The following SLC9A7 variants were observed in gnomAD, a reference collection of about 807,000 sequenced individuals.
The protein encoded by SLC9A7 is solute carrier family 9 member A7, also known as sodium/hydrogen exchanger 7.
SLC9A7 carries 19 observed loss-of-function variants against 52.6 expected under a neutral mutation model. The ratio of observed to expected loss-of-function variants is 0.36; its 90% CI spans 0.25 to 0.53. The LOEUF is 0.53. Among genes scored for constraint, SLC9A7 ranks in the 20% least tolerant of loss-of-function variants. The pLI is 0.91. For synonymous variants in SLC9A7, 226 were observed against 252.1 expected, an observed-to-expected ratio of 0.90 and a Z score of 0.98; for missense variants, 455 against 597.9, an observed-to-expected ratio of 0.76 and a Z score of 2.49.
At chrX:46,682,642 G>A in intron 1 of SLC9A7, 107 bp from the exon 2 acceptor site, 1 of 697,847 alleles carries the variant, frequency 1.4e-6, no homozygotes, top group Non-Finnish European at 2.2e-6. Context: ...AGTAATCTTA[G>A]AAACTGGGCA....
At chrX:46,740,332 C>T (rs946026742) in intron 1 of SLC9A7, among the ~76,000 whole-genome samples, 6 of 111,580 alleles carry the variant, frequency 5.4e-5, no homozygotes, top group East Asian at 2.8e-4. Context: ...TGCCCACTTT[C>T]GCCATTCCTA....
chrX:46,620,444 AAAAC>A (rs1344385384), intron 15 of SLC9A7, among the ~76,000 whole-genome samples: 2 of 110,451 alleles, frequency 1.8e-5, no homozygotes, highest in Non-Finnish European at 3.8e-5. Context: ...ACAAACAAAC[AAAAC>A]AAACAAAAAA....
intron 1 of SLC9A7, chrX:46,725,134 C>T: frequency 1.5e-6 from 1 of 648,295 alleles, no homozygotes; most frequent in Non-Finnish European, 2.6e-6. Context: ...GTTTGTTTTA[C>T]AAGATATACT....
intron 1 of SLC9A7, among the ~76,000 whole-genome samples, chrX:46,752,877 T>C (rs1293310016): frequency 3.6e-5 from 4 of 111,979 alleles, no homozygotes; most frequent in African/African-American, 1.3e-4. Flanking sequence ...TGGAATTCAT[T>C]GAAAACCCTT....
chrX:46,689,069 T>C (rs1274420029), intron 1 of SLC9A7, among the ~76,000 whole-genome samples: 2 of 111,680 alleles, frequency 1.8e-5, no homozygotes, highest in Non-Finnish European at 3.8e-5. Context: ...TATAGATTCA[T>C]GTAAGCACCA....
intron 11 of SLC9A7, among the ~76,000 whole-genome samples, chrX:46,648,480 A>G (rs749337679): frequency 8.9e-6 from 1 of 111,915 alleles, no homozygotes; most frequent in East Asian, 2.8e-4. Context: ...ATTTTAGGGG[A>G]GAATGTTCAC....
intron 1 of SLC9A7, among the ~76,000 whole-genome samples, chrX:46,741,694 TTAGGAGAAAACA>T (rs1037070166): frequency 1.4e-4 from 15 of 110,845 alleles, no homozygotes; most frequent in Admixed American, 1.2e-3. Context: ...CATAAAACAT[TTAGGAGAAAACA>T]TAGGAGAAAA....
intron 1 of SLC9A7, among the ~76,000 whole-genome samples, chrX:46,698,960 A>G (rs1944489149): frequency 9.0e-6 from 1 of 111,370 alleles, no homozygotes; most frequent in Non-Finnish European, 1.9e-5. Context: ...TTAATTAAAG[A>G]AATAACCTGA....
intron 1 of SLC9A7, among the ~76,000 whole-genome samples, chrX:46,688,476 A>G (rs1284882566): frequency 1.8e-5 from 2 of 110,456 alleles, no homozygotes; most frequent in Non-Finnish European, 3.8e-5. Context: ...ACATGCCTGT[A>G]ATCCTAGCTA....
intron 10 of SLC9A7, among the ~76,000 whole-genome samples, chrX:46,650,150 T>C (rs1278732587): frequency 1.8e-5 from 2 of 111,724 alleles, no homozygotes; most frequent in Non-Finnish European, 3.8e-5. Flanking sequence ...GCACAATAAA[T>C]TAAGCCCAGA....
At chrX:46,662,419 T>A (rs1359883824) in intron 6 of SLC9A7, 119 bp downstream of exon 6, 1 of 567,263 alleles carries the variant, frequency 1.8e-6, no homozygotes, top group African/African-American at 2.3e-5. Context: ...AGCTGATAAA[T>A]CTCATTTAGA....
intron 8 of SLC9A7, among the ~76,000 whole-genome samples, chrX:46,653,205 G>A (rs181062976): frequency 2.6e-4 from 29 of 110,974 alleles, no homozygotes; most frequent in African/African-American, 9.2e-4. Context: ...GACCAGCCTG[G>A]ACAACATAGC....
intron 1 of SLC9A7, among the ~76,000 whole-genome samples, chrX:46,731,831 G>A (rs1366472326): frequency 2.7e-5 from 3 of 110,700 alleles, no homozygotes; most frequent in African/African-American, 9.8e-5. Flanking sequence ...AATAGACAAA[G>A]AATATAAGTA....
At chrX:46,686,908 G>T (rs1485142354) in intron 1 of SLC9A7, among the ~76,000 whole-genome samples, 3 of 112,234 alleles carry the variant, frequency 2.7e-5, no homozygotes, top group African/African-American at 9.7e-5. Context: ...AAACTCCAAA[G>T]GGGCAAAAAT....
Position 46,606,955 on chromosome X carries a change from A to G in SLC9A7, c.2178T>C (p.Ala726=). 8.3e-7 allele frequency: 1 copy of G among 1,211,510 alleles called. No homozygotes were observed. Among genetic ancestry groups the G allele is most frequent in the Non-Finnish European group, 1.1e-6 (1 of 895,442 alleles). The stretch of plus-strand genomic sequence containing the variant: ...GCGCCAGGGCTTGGGGGGAAAGTCA[A>G]GCATTATCTTCCAGGGGAAACACTA... The part of the protein sequence containing the change: ...TRLVFPLEDN[A] The change falls in exon 17 of 17, where the codon GCT becomes GCC. Residue 726 remains alanine, a synonymous_variant. Transcript: ENST00000616978.
In SLC9A7 at chrX:46,675,870, A is replaced by G. The variant is rs145680645; in HGVS notation, c.604-3243T>C. 6.4e-3 allele frequency among the ~76,000 whole-genome samples: 716 copies of G among 111,317 alleles called. 6 individuals carry two copies. Among genetic ancestry groups the G allele is most frequent in the African/African-American group, 0.022 (687 of 30,616 alleles). ...CCCTTTTGTCCAATCACTTTTCTAC[A>G]TGGTTGTCAATCACGCCTATGCAAT... is the stretch of plus-strand genomic sequence containing the variant. On this transcript the variant is annotated intron_variant, in intron 3 of 16. Transcript: ENST00000616978.
intron 15 of SLC9A7, among the ~76,000 whole-genome samples, 157 bp downstream of exon 15, chrX:46,620,820 T>C (rs1329884377): frequency 2.7e-5 from 3 of 112,591 alleles, no homozygotes; most frequent in Non-Finnish European, 5.6e-5. Flanking sequence ...GGACTACCTA[T>C]GGTTGAATGC....
intron 1 of SLC9A7, among the ~76,000 whole-genome samples, chrX:46,728,128 C>G (rs1297366648): frequency 9.0e-6 from 1 of 111,230 alleles, no homozygotes; most frequent in Non-Finnish European, 1.9e-5. Flanking sequence ...ACACAAAAAG[C>G]ACAAGCCATA....
At position 46,651,155 on chromosome X, in the gene SLC9A7, G is replaced by C. The variant is rs1475969155; in HGVS notation, c.1305C>G (p.Thr435=). The part of the protein sequence containing the change: ...IFSYMGLALF[T]FQKHVFSPIF... ...TGGGGCTGAAAACGTGCTTCTGGAAGGTAAACAGTGCCAGGCCCATGTAGG... is the reference window on the plus strand; with the variant it reads ...TGGGGCTGAAAACGTGCTTCTGGAACGTAAACAGTGCCAGGCCCATGTAGG... Residue 435 remains threonine (T), a synonymous_variant, in exon 10 of 17, where the codon ACC becomes ACG. Transcript: ENST00000616978. 7.5e-6 allele frequency: 9 copies of C among 1,207,522 alleles called. No individual in the cohort carries two copies. The Admixed American group carries it at 1.8e-4, about 24-fold the overall frequency.
Sources: allele counts gnomAD v4.1 joint callset (sites outside exome capture counted in the v4.1 genomes callset), GRCh38; gene constraint gnomAD v4.1.1; transcripts MANE v1.5; gene names NCBI Gene and HGNC (gene_info 2026-07-23, HGNC 2026-07-21).